Variants in MOV10L1 observed in about 807,000 individuals in gnomAD.
The protein encoded by MOV10L1 is Mov10 like RNA helicase 1, also known as RNA helicase Mov10l1.
A neutral mutation model predicts 143.8 loss-of-function variants in MOV10L1; 110 were observed. That is an observed-to-expected ratio of 0.76 (90% CI 0.66 to 0.90). MOV10L1 has a LOEUF of 0.90. Among genes scored for constraint, MOV10L1 ranks in the 40% least tolerant of loss-of-function variants. The pLI, the probability that MOV10L1 is intolerant of heterozygous loss-of-function variation, is 0.00. For synonymous variants in MOV10L1, 593 were observed against 581.1 expected, an observed-to-expected ratio of 1.02 and a Z score of -0.29; for missense variants, 1,406 against 1,526.8, an observed-to-expected ratio of 0.92 and a Z score of 1.32.
chr22:50,133,223 G>A (rs751471826), intron 13 of MOV10L1, among the ~76,000 whole-genome samples: 1 of 152,116 alleles, frequency 6.6e-6, no homozygotes, highest in Non-Finnish European at 1.5e-5. Flanking sequence ...AGTTAGTACA[G>A]CGTGGGTGGT....
chr22:50,142,362 A>C (rs1386739954), intron 16 of MOV10L1, among the ~76,000 whole-genome samples, 173 bp downstream of exon 16: 1 of 152,272 alleles, frequency 6.6e-6, no homozygotes, highest in African/African-American at 2.4e-5. Flanking sequence ...TAGCTTAGAT[A>C]CTTTAAGAAG....
chr22:50,147,155 G>A (rs1470778293), intron 19 of MOV10L1: 2 of 1,589,826 alleles, frequency 1.3e-6, no homozygotes, highest in Non-Finnish European at 1.7e-6. Context: ...TTCAGGTAGT[G>A]GGAGGAGGTG....
At chr22:50,131,605 G>T (rs1222210827) in intron 13 of MOV10L1, among the ~76,000 whole-genome samples, 1 of 151,908 alleles carries the variant, frequency 6.6e-6, no homozygotes, top group Non-Finnish European at 1.5e-5. Flanking sequence ...ATTAAGCTTT[G>T]CAAATTGTTT....
chr22:50,107,105 C>T (rs917859311), intron 3 of MOV10L1, among the ~76,000 whole-genome samples: 9 of 151,172 alleles, frequency 6.0e-5, no homozygotes, highest in Non-Finnish European at 1.0e-4. Flanking sequence ...GACGGTGTCT[C>T]GCTGTGTCAC....
intron 22 of MOV10L1, among the ~76,000 whole-genome samples, chr22:50,157,847 G>A (rs112833168): frequency 0.016 from 2,470 of 150,316 alleles, 64 homozygotes; most frequent in African/African-American, 0.057. Flanking sequence ...CCTGTGACCC[G>A]TCCTCCTCTG....
Position 50,146,958 on chromosome 22 carries a change from G to A in MOV10L1, c.2627+1148G>A, listed in dbSNP as rs552986625. 36 of 1,083,922 alleles carry A rather than the reference G, an allele frequency of 3.3e-5. No individual in the cohort carries two copies. In the Admixed American group the frequency reaches 3.7e-4, roughly 11 times the overall value. The allele number at this position is 1,083,922 out of a possible 1,614,324, so 67.1% of individuals were successfully genotyped here. The stretch of plus-strand genomic sequence containing the variant: ...TCAGGTTTCAGACTAGCCACTGTGC[G>A]GTGCCCGAGAGCCGTGTGTGGCTAC... On this transcript the variant is annotated intron_variant, in intron 19 of 26. Transcript: ENST00000262794.
At chr22:50,117,632 A>G (rs1183584943) in intron 9 of MOV10L1, among the ~76,000 whole-genome samples, 1 of 152,148 alleles carries the variant, frequency 6.6e-6, no homozygotes, top group Non-Finnish European at 1.5e-5. Context: ...TGGCAGTTCC[A>G]AGGTGGCTCT....
chr22:50,150,872 T>A lies in MOV10L1; in HGVS notation c.2865T>A (p.Gly955=). The A allele has an allele frequency of 2.5e-6, 4 of 1,614,186 alleles. No homozygotes were observed. The highest frequency in any genetic ancestry group is 3.4e-6 in the Non-Finnish European group (4 of 1,180,030). Residue 955 remains glycine (G), a synonymous_variant, in exon 21 of 27, where the codon GGT becomes GGA. Transcript: ENST00000262794. ...ACCAGAGGGACGAAAATGCTTTCGGTGCTTGTGGCGCACATAATCCCCTGT... is the reference window on the plus strand; with the variant it reads ...ACCAGAGGGACGAAAATGCTTTCGGAGCTTGTGGCGCACATAATCCCCTGT... The part of the protein sequence containing the change: ...PAYQRDENAF[G]ACGAHNPLLV...
At position 50,158,130 on chromosome 22, in the gene MOV10L1, GCTGCCTC is replaced by G; in HGVS notation, c.3144_3150del (p.Cys1048TrpfsTer36). On this transcript the variant is annotated frameshift_variant, in exon 23 of 27. Transcript: ENST00000262794. LOFTEE classifies it high-confidence loss of function. The surrounding 1 kb of genome is among the most constrained non-coding windows in gnomAD (Gnocchi z 5.0). ...GAGGCCGTCCAGGTCCTGCGCTACT[GCTGCCTC>G]CTGGCCCACAGCATCTCCAGTCAGG... The G allele has an allele frequency of 6.2e-7, 1 of 1,614,172 alleles. No homozygotes were observed. Among genetic ancestry groups the G allele is most frequent in the Non-Finnish European group, 8.5e-7 (1 of 1,180,038 alleles).
Position 50,159,527 on chromosome 22 carries a change from G to A in MOV10L1, c.3217-151G>A, listed in dbSNP as rs6010194. 13 of 434,922 alleles carry A rather than the reference G, an allele frequency of 3.0e-5. No individual in the cohort carries two copies. The highest frequency in any genetic ancestry group is 1.3e-4 in the African/African-American group (6 of 47,500). The allele number at this position is 434,922 out of a possible 1,614,324, so 26.9% of individuals were successfully genotyped here. The stretch of plus-strand genomic sequence containing the variant: ...TGAGGCAGGAGAATTGCTTGAACCC[G>A]GGAGGCAGAGGTTGCAGTGAGCCGA... On this transcript the variant is annotated intron_variant, in intron 23 of 26. Transcript: ENST00000262794. This position sits in a 1 kb window ranked among gnomAD's most constrained non-coding sequence, Gnocchi z 4.1.
At chr22:50,144,593 T>G (rs959744131) in intron 18 of MOV10L1, among the ~76,000 whole-genome samples, 1 of 150,248 alleles carries the variant, frequency 6.7e-6, no homozygotes, top group Non-Finnish European at 1.5e-5. Flanking sequence ...TTTTGTTTTT[T>G]TTTTTTGAGA....
At chr22:50,104,891 C>CTTTT (rs138212) in intron 3 of MOV10L1, among the ~76,000 whole-genome samples, 1 of 140,098 alleles carries the variant, frequency 7.1e-6, no homozygotes, top group Non-Finnish European at 1.5e-5. Context: ...ATTGAGCCTT[C>CTTTT]TTTTTTTTTT....
intron 15 of MOV10L1, among the ~76,000 whole-genome samples, chr22:50,139,647 G>T (rs2062926734): frequency 6.6e-6 from 1 of 152,140 alleles, no homozygotes; most frequent in Non-Finnish European, 1.5e-5. Flanking sequence ...CTTGTATTCG[G>T]AAAACATATG....
chr22:50,113,848 T>C, intron 6 of MOV10L1, 60 bp downstream of exon 6: 4 of 1,376,048 alleles, frequency 2.9e-6, no homozygotes, highest in African/African-American at 1.5e-5. Flanking sequence ...ACACTATGAC[T>C]CAATAATTTC....
At chr22:50,118,739 G>T (rs547923406) in intron 9 of MOV10L1, among the ~76,000 whole-genome samples, 9 of 152,150 alleles carry the variant, frequency 5.9e-5, no homozygotes, top group Non-Finnish European at 1.2e-4. Flanking sequence ...GAGGGAGTTC[G>T]CATGAAACAC....
chr22:50,134,502 G>A (rs372718641), intron 14 of MOV10L1, 28 bp from the exon 15 acceptor site: 116 of 1,588,548 alleles, frequency 7.3e-5, no homozygotes, highest in African/African-American at 6.5e-4. Context: ...AGTTATACCC[G>A]TGCTCTTACC....
intron 22 of MOV10L1, among the ~76,000 whole-genome samples, chr22:50,154,937 C>A (rs2063388559): frequency 6.6e-6 from 1 of 152,058 alleles, no homozygotes; most frequent in Non-Finnish European, 1.5e-5. Context: ...TTAGGAGCAG[C>A]TAGGTTTTTA....
chr22:50,127,672 A>G (rs1427568587), intron 12 of MOV10L1, among the ~76,000 whole-genome samples: 1 of 151,844 alleles, frequency 6.6e-6, no homozygotes, highest in Admixed American at 6.6e-5. Context: ...TTATTTTTCT[A>G]CCCATACTGT....
intron 17 of MOV10L1, among the ~76,000 whole-genome samples, chr22:50,143,545 A>G (rs1202393219): frequency 6.6e-6 from 1 of 152,180 alleles, no homozygotes; most frequent in Non-Finnish European, 1.5e-5. Context: ...TTTGTAATTG[A>G]AGTTAAGTTT....
Sources: allele counts gnomAD v4.1 joint callset (sites outside exome capture counted in the v4.1 genomes callset), GRCh38; gene constraint gnomAD v4.1.1; non-coding constraint Gnocchi (gnomAD v3.1); transcripts MANE v1.5; gene names NCBI Gene and HGNC (gene_info 2026-07-23, HGNC 2026-07-21).